The following MBNL2 variants were observed in gnomAD, a reference collection of about 807,000 sequenced individuals.
The protein encoded by MBNL2 is muscleblind like splicing regulator 2.
Under a neutral mutation model 41.9 loss-of-function variants are expected in MBNL2, and 17 were observed. That is an observed-to-expected ratio of 0.41 (90% CI 0.28 to 0.61). The LOEUF is 0.61. Among genes scored for constraint, MBNL2 ranks in the 20% least tolerant of loss-of-function variants. The pLI, the probability that MBNL2 is intolerant of heterozygous loss-of-function variation, is 0.35. For synonymous variants in MBNL2, 195 were observed against 182.9 expected (o/e 1.07, Z -0.53); for missense variants, 336 against 505.6 (o/e 0.66, Z 3.22).
At position 97,300,628 on chromosome 13, in the gene MBNL2, C is replaced by T. The variant is rs962401591; in HGVS notation, c.174+24219C>T. On this transcript the variant is annotated intron_variant, in intron 2 of 8. Transcript: ENST00000679496. ...AATACCTCCATGAAGCCCACTTAACCTCCGAACTGACCTCTCTTGCAACAT... is the reference window on the plus strand; with the variant it reads ...AATACCTCCATGAAGCCCACTTAACTTCCGAACTGACCTCTCTTGCAACAT... Among the ~76,000 whole-genome samples, 23 of 152,312 alleles carry T rather than the reference C, an allele frequency of 1.5e-4. 1 individual carries two copies. Among genetic ancestry groups the T allele is most frequent in the Admixed American group, 1.1e-3 (17 of 15,292 alleles).
chr13:97,183,066 T>C, the MBNL2 span, among the ~76,000 whole-genome samples: 1 of 152,234 alleles, frequency 6.6e-6, no homozygotes, highest in African/African-American at 2.4e-5. Context: ...AAGTCAAACA[T>C]AAACGCAGAT....
chr13:97,367,227 T>C (rs2063920389), intron 8 of MBNL2, among the ~76,000 whole-genome samples: 1 of 152,210 alleles, frequency 6.6e-6, no homozygotes, highest in Non-Finnish European at 1.5e-5. Context: ...ATGTACTATT[T>C]CGTAGTGACA....
intron 8 of MBNL2, among the ~76,000 whole-genome samples, chr13:97,370,667 CAAAA>C (rs35877156): frequency 1.5e-5 from 2 of 137,826 alleles, no homozygotes; most frequent in African/African-American, 5.2e-5. Context: ...GAAACTCCGT[CAAAA>C]AAAAAAAAGA....
intron 1 of MBNL2, among the ~76,000 whole-genome samples, chr13:97,240,184 C>T (rs557011266): frequency 6.6e-6 from 1 of 152,280 alleles, no homozygotes; most frequent in South Asian, 2.1e-4. Context: ...ACATTTATTG[C>T]TAGACTACAC....
the MBNL2 span, among the ~76,000 whole-genome samples, chr13:97,166,953 A>G: frequency 6.6e-6 from 1 of 152,138 alleles, no homozygotes; most frequent in Non-Finnish European, 1.5e-5. Context: ...TTCAGGGGAG[A>G]AAAACTCAAC....
intron 7 of MBNL2, 107 bp from the exon 8 acceptor site, chr13:97,365,029 A>G (rs559547747): frequency 5.1e-5 from 41 of 799,586 alleles, no homozygotes; most frequent in South Asian, 5.1e-4. Context: ...AACTAACCCT[A>G]CTTATTTCTG....
the MBNL2 span, among the ~76,000 whole-genome samples, chr13:97,208,999 G>T: frequency 4.6e-5 from 7 of 152,310 alleles, no homozygotes; most frequent in Admixed American, 2.6e-4. Context: ...ACTGTGAGTG[G>T]TTTTTATATC....
Position 97,343,105 on chromosome 13 carries a change from G to C in MBNL2, c.429G>C (p.Leu143Phe), listed in dbSNP as rs1363111803. 1 of 1,613,432 alleles carries C rather than the reference G, an allele frequency of 6.2e-7. No individual in the cohort carries two copies. The highest frequency in any genetic ancestry group is 8.5e-7 in the Non-Finnish European group (1 of 1,179,470). Residue 143 changes from leucine (L) to phenylalanine (F), a missense_variant, in exon 4 of 9, where the codon TTG becomes TTC. By Grantham distance (22) the Leu-to-Phe change is conservative (BLOSUM62 0). Transcript: ENST00000679496. ...CACCTGTAACCCCTGGAGTTGGGTT[G>C]GTCCCAACGGAAATTCTGCCCACCA... ...YLAPVTPGVG[L>F]VPTEILPTTP... is the part of the protein sequence containing the mutation.
chr13:97,212,862 T>C, the MBNL2 span, among the ~76,000 whole-genome samples: 1 of 152,220 alleles, frequency 6.6e-6, no homozygotes, highest in Admixed American at 6.5e-5. Flanking sequence ...CAGAAATTGA[T>C]GTTTTCGCTG....
At chr13:97,205,397 TA>T in the MBNL2 span, among the ~76,000 whole-genome samples, 32 of 149,784 alleles carry the variant, frequency 2.1e-4, no homozygotes, top group Non-Finnish European at 4.3e-4. Flanking sequence ...CTAAAAAAAA[TA>T]AAAAATAAAA....
intron 8 of MBNL2, among the ~76,000 whole-genome samples, chr13:97,367,827 C>T (rs560498073): frequency 3.9e-5 from 6 of 152,214 alleles, no homozygotes; most frequent in East Asian, 3.9e-4. Context: ...AAATGCCAAC[C>T]GGTCCTCTAA....
At chr13:97,160,704 A>G in the MBNL2 span, among the ~76,000 whole-genome samples, 7,073 of 152,238 alleles carry the variant, frequency 0.046, 482 homozygotes, top group African/African-American at 0.15. Flanking sequence ...ATTCTTAAGA[A>G]TAAACTCCTT....
the MBNL2 span, among the ~76,000 whole-genome samples, chr13:97,167,795 A>C: frequency 6.6e-6 from 1 of 152,196 alleles, no homozygotes; most frequent in Non-Finnish European, 1.5e-5. Context: ...AAATGAGGTC[A>C]GGGGAATGAG....
At chr13:97,354,130 G>A (rs563137899) in intron 5 of MBNL2, among the ~76,000 whole-genome samples, 1 of 143,440 alleles carries the variant, frequency 7.0e-6, no homozygotes, top group South Asian at 2.2e-4. Flanking sequence ...GAGAAGCAAA[G>A]CCTCAGAATG....
At chr13:97,356,261 T>C (rs1354800592) in intron 5 of MBNL2, among the ~76,000 whole-genome samples, 1 of 152,206 alleles carries the variant, frequency 6.6e-6, no homozygotes. Context: ...ATTTTTTGTC[T>C]CAGTTCGCCA....
At chr13:97,264,058 G>A (rs1000185613) in intron 1 of MBNL2, among the ~76,000 whole-genome samples, 10 of 148,434 alleles carry the variant, frequency 6.7e-5, no homozygotes, top group Non-Finnish European at 8.9e-5. Context: ...TCACCCAGGC[G>A]GGAGTGCACT....
chr13:97,309,384 G>T (rs2058386023), intron 2 of MBNL2, among the ~76,000 whole-genome samples: 1 of 152,166 alleles, frequency 6.6e-6, no homozygotes, highest in African/African-American at 2.4e-5. Context: ...TTAAAATGAG[G>T]TCATCAGGGT....
At chr13:97,336,127 G>A (rs1013310295) in intron 3 of MBNL2, among the ~76,000 whole-genome samples, 1 of 152,082 alleles carries the variant, frequency 6.6e-6, no homozygotes, top group Non-Finnish European at 1.5e-5. Context: ...ACTATTAGTT[G>A]AACTTTTTTT....
At chr13:97,180,084 C>T in the MBNL2 span, among the ~76,000 whole-genome samples, 98 of 152,182 alleles carry the variant, frequency 6.4e-4, no homozygotes, top group African/African-American at 2.2e-3. Context: ...TGGAAGATTA[C>T]GGTGGTAGAA....
Sources: gnomAD v4.1 joint callset for allele counts (sites outside exome capture counted in the v4.1 genomes callset) on GRCh38, gnomAD v4.1.1 for gene constraint, MANE v1.5 for transcripts, NCBI Gene and HGNC (gene_info 2026-07-23, HGNC 2026-07-21) for gene names.